Variants in SH3RF2 observed in about 807,000 individuals in gnomAD.
SH3RF2 encodes the protein E3 ubiquitin-protein ligase SH3RF2.
A neutral mutation model predicts 59.0 loss-of-function variants in SH3RF2; 43 were observed. That is an observed-to-expected ratio of 0.73 (90% CI 0.57 to 0.94). SH3RF2 has a LOEUF of 0.94. Among genes scored for constraint, SH3RF2 ranks in the 40% least tolerant of loss-of-function variants. The pLI is 0.00. For missense variants in SH3RF2, 930 were observed against 940.1 expected, an observed-to-expected ratio of 0.99 and a Z score of 0.14; for synonymous variants, 391 against 391.5, an observed-to-expected ratio of 1.00 and a Z score of 0.01.
intron 5 of SH3RF2, among the ~76,000 whole-genome samples, chr5:146,021,353 T>C (rs972921313): frequency 3.9e-5 from 6 of 152,168 alleles, no homozygotes; most frequent in Admixed American, 3.9e-4. Flanking sequence ...CCAAGATAAA[T>C]ATTTCTTTTA....
intron 2 of SH3RF2, among the ~76,000 whole-genome samples, chr5:145,964,424 A>G (rs1306149760): frequency 3.3e-4 from 50 of 150,472 alleles, no homozygotes; most frequent in Non-Finnish European, 1.5e-5. Flanking sequence ...CTCCTGCTTC[A>G]GGCTCCCAAG....
chr5:145,997,116 C>T (rs1271370165), intron 2 of SH3RF2: 4 of 629,124 alleles, frequency 6.4e-6, no homozygotes, highest in Non-Finnish European at 8.7e-6. Context: ...ATTTGTTGTG[C>T]AGGTTATTTC....
At chr5:146,057,779 A>T (rs1323100509) in intron 8 of SH3RF2, among the ~76,000 whole-genome samples, 1 of 152,118 alleles carries the variant, frequency 6.6e-6, no homozygotes, top group East Asian at 1.9e-4. Context: ...ATCTCTAAAA[A>T]AAAAATTAAA....
intron 2 of SH3RF2, among the ~76,000 whole-genome samples, chr5:145,976,735 C>G (rs1288066630): frequency 6.6e-6 from 1 of 152,218 alleles, no homozygotes; most frequent in Non-Finnish European, 1.5e-5. Context: ...AAGACTAAAA[C>G]ATGATACAAA....
At chr5:146,078,379 A>G (rs923305098) in intron 9 of SH3RF2, 2 of 152,230 alleles carry the variant, frequency 1.3e-5, no homozygotes, top group Non-Finnish European at 2.9e-5. Context: ...TGCCCAAAAG[A>G]TGTTAAGAAT....
In SH3RF2 at chr5:145,946,917, G is replaced by A. The variant is rs12654251; in HGVS notation, c.378+8611G>A. Among the ~76,000 whole-genome samples the A allele has an allele frequency of 1.2e-3, 186 of 152,264 alleles. 1 individual carries two copies. The East Asian group carries it at 0.034, about 28-fold the overall frequency. On this transcript the variant is annotated intron_variant, in intron 2 of 9. Transcript: ENST00000359120. ...CAGTAGAAACATGGCCCCTGTACTT[G>A]TGCTGCCAAAGCCCTAATTTTATCA...
chr5:146,000,249 G>C lies in SH3RF2; in HGVS notation c.570G>C (p.Pro190=), dbSNP rs199761760. Residue 190 remains proline, a synonymous_variant, in exon 3 of 10, where the codon CCG becomes CCC. Transcript: ENST00000359120. ...TCAAGCAGCTGCCCCAGCCGCCCCCGCTCTGCAGGGCCCTCTACAACTTCG... is the reference window on the plus strand; with the variant it reads ...TCAAGCAGCTGCCCCAGCCGCCCCCCCTCTGCAGGGCCCTCTACAACTTCG... ...EVIKQLPQPP[P]LCRALYNFDL... The C allele has an allele frequency of 9.3e-6, 15 of 1,613,866 alleles. No homozygotes were observed. In the African/African-American group the frequency reaches 1.6e-4, roughly 17 times the overall value.
chr5:146,013,081 G>A (rs1418140246), intron 4 of SH3RF2, among the ~76,000 whole-genome samples: 1 of 152,162 alleles, frequency 6.6e-6, no homozygotes, highest in Non-Finnish European at 1.5e-5. Context: ...GTAAAAGTCA[G>A]TCTTAGCATA....
At chr5:146,021,698 G>A (rs1761325784) in intron 5 of SH3RF2, among the ~76,000 whole-genome samples, 1 of 152,146 alleles carries the variant, frequency 6.6e-6, no homozygotes, top group Admixed American at 6.5e-5. Context: ...AGGACCAGAA[G>A]GCCTCCCACC....
At chr5:146,002,678 A>G (rs972204003) in intron 3 of SH3RF2, among the ~76,000 whole-genome samples, 7 of 152,280 alleles carry the variant, frequency 4.6e-5, no homozygotes, top group African/African-American at 1.7e-4. Context: ...GCAAACCTTC[A>G]TCTGTATTTA....
chr5:146,051,340 T>A (rs918185417), intron 7 of SH3RF2, among the ~76,000 whole-genome samples: 1 of 152,214 alleles, frequency 6.6e-6, no homozygotes, highest in African/African-American at 2.4e-5. Flanking sequence ...TAATCTTAGT[T>A]GTGTTTAACC....
At chr5:146,018,538 C>G (rs1339930039) in intron 5 of SH3RF2, among the ~76,000 whole-genome samples, 1 of 151,748 alleles carries the variant, frequency 6.6e-6, no homozygotes, top group East Asian at 1.9e-4. Context: ...ACCACATTTT[C>G]TTTATCCATT....
Position 146,022,874 on chromosome 5 carries a change from AACACACACACACACACAC to A in SH3RF2, c.1059+8845_1059+8862del, listed in dbSNP as rs57377156. Among the ~76,000 whole-genome samples the A allele has an allele frequency of 1.6e-3, 229 of 142,044 alleles. 1 individual carries two copies. The highest frequency in any genetic ancestry group is 6.8e-3 in the South Asian group (29 of 4,284). 93.2% of individuals were successfully genotyped at this position (142,044 alleles called of 152,430 possible). A position where few individuals can be genotyped will look rare whatever the true frequency, so the allele number is the denominator to read the frequency against. On this transcript the variant is annotated intron_variant, in intron 5 of 9. Transcript: ENST00000359120. The stretch of plus-strand genomic sequence containing the variant: ...GTGACACAGAGCAAGGCTCCATCTA[AACACACACACACACACAC>A]ACACACACACACACACACACACACA...
Position 146,013,818 on chromosome 5 carries a change from C to T in SH3RF2, c.816C>T (p.Ser272=). The T allele has an allele frequency of 6.2e-7, 1 of 1,614,176 alleles. No individual in the cohort carries two copies. Among genetic ancestry groups the T allele is most frequent in the Non-Finnish European group, 8.5e-7 (1 of 1,180,010 alleles). Residue 272 remains serine, a synonymous_variant, in exon 5 of 10, where the codon TCC becomes TCT. Coordinates refer to ENST00000359120, the MANE Select transcript of SH3RF2 (RefSeq NM_152550.4). The part of the protein sequence containing the change: ...GRQSSRTKNL[S]LVSSSSRGNT... Reference sequence around the variant, plus strand: ...AGTCATCCCGCACAAAAAACCTGTCCCTGGTGTCCTCGTCCTCCAGAGGCA... The same window carrying T: ...AGTCATCCCGCACAAAAAACCTGTCTCTGGTGTCCTCGTCCTCCAGAGGCA...
At position 146,062,561 on chromosome 5, in the gene SH3RF2, G is replaced by T. The variant is rs749227471; in HGVS notation, c.2050G>T (p.Glu684Ter). Residue 684 changes from glutamate (E) to a stop codon, truncating the protein, a stop_gained, in exon 10 of 10, where the codon GAG becomes TAG. Coordinates refer to ENST00000359120, the MANE Select transcript of SH3RF2 (RefSeq NM_152550.4). LOFTEE classifies it high-confidence loss of function. ...GCCTGAAGCAGCGTCCTTGGGCCCA[G>T]AGATGACCGTCCTATTTGCCCACCG... ...SQPEAASLGP[E>*]MTVLFAHRSG... The T allele has an allele frequency of 6.2e-7, 1 of 1,614,184 alleles. No individual in the cohort carries two copies. Among genetic ancestry groups the T allele is most frequent in the Non-Finnish European group, 8.5e-7 (1 of 1,180,030 alleles).
chr5:146,060,676 G>A (rs1485533773), intron 9 of SH3RF2, among the ~76,000 whole-genome samples: 1 of 152,220 alleles, frequency 6.6e-6, no homozygotes, highest in East Asian at 1.9e-4. Context: ...AACGAGATAT[G>A]TGAAGTGCTT....
At chr5:145,959,554 T>A (rs1455670779) in intron 2 of SH3RF2, among the ~76,000 whole-genome samples, 1 of 151,998 alleles carries the variant, frequency 6.6e-6, no homozygotes, top group Admixed American at 6.6e-5. Context: ...AAGGGCACTC[T>A]CCATGACTTA....
downstream of SH3RF2, among the ~76,000 whole-genome samples, chr5:146,064,816 GAA>G (rs1160118223): frequency 2.9e-4 from 3 of 10,214 alleles, no homozygotes; most frequent in Non-Finnish European, 2.9e-3. Flanking sequence ...AGGAAAGAAA[GAA>G]AGAAAGAAAG....
intron 5 of SH3RF2, among the ~76,000 whole-genome samples, chr5:146,029,779 AGT>A (rs1297175113): frequency 1.3e-5 from 2 of 152,228 alleles, no homozygotes; most frequent in African/African-American, 4.8e-5. Context: ...GATAAATGAC[AGT>A]GTGTTAAGAA....
Sources: gnomAD v4.1 joint callset for allele counts (sites outside exome capture counted in the v4.1 genomes callset) on GRCh38, gnomAD v4.1.1 for gene constraint, MANE v1.5 for transcripts, NCBI Gene and HGNC (gene_info 2026-07-23, HGNC 2026-07-21) for gene names.